FBXL7: variants seen among roughly 807,000 people sequenced by gnomAD.
FBXL7 encodes the protein F-box/LRR-repeat protein 7.
In FBXL7, 12 loss-of-function variants were observed where a neutral mutation model predicts 38.3. The ratio of observed to expected loss-of-function variants is 0.31; its 90% CI spans 0.20 to 0.51. FBXL7 has a LOEUF of 0.51. Ranked by LOEUF, FBXL7 falls within the 20% of genes least tolerant of loss-of-function variation. The probability of loss-of-function intolerance (pLI) is 0.98; values close to 1 mark genes in which losing one functional copy is unlikely to be tolerated. For synonymous variants in FBXL7, 297 were observed against 300.9 expected, an observed-to-expected ratio of 0.99 and a Z score of 0.13; for missense variants, 567 against 676.4, an observed-to-expected ratio of 0.84 and a Z score of 1.79.
chr5:15,852,860 C>G (rs1336336707), intron 2 of FBXL7, among the ~76,000 whole-genome samples: 1 of 152,162 alleles, frequency 6.6e-6, no homozygotes, highest in Non-Finnish European at 1.5e-5. Context: ...TTACTAGAGG[C>G]AAAGCACTCT....
At chr5:15,647,142 CT>C (rs1446405233) in intron 2 of FBXL7, among the ~76,000 whole-genome samples, 1 of 152,146 alleles carries the variant, frequency 6.6e-6, no homozygotes, top group African/African-American at 2.4e-5. Flanking sequence ...TCTGTGTAAC[CT>C]TATAATGACA....
intron 1 of FBXL7, among the ~76,000 whole-genome samples, chr5:15,553,107 A>G (rs868335105): frequency 6.6e-6 from 1 of 151,340 alleles, no homozygotes; most frequent in Non-Finnish European, 1.5e-5. Context: ...AAAAAACCCA[A>G]CCAAACAAAA....
At chr5:15,816,369 C>G (rs571214571) in intron 2 of FBXL7, among the ~76,000 whole-genome samples, 1 of 151,988 alleles carries the variant, frequency 6.6e-6, no homozygotes, top group Non-Finnish European at 1.5e-5. Context: ...AGCCATTATT[C>G]GAAGAGAAGT....
Position 15,928,868 on chromosome 5 carries a change from G to A in FBXL7, c.739+367G>A, listed in dbSNP as rs1025435301. On this transcript the variant is annotated intron_variant, in intron 3 of 3. Transcript: ENST00000504595. The surrounding 1 kb of genome is among the most constrained non-coding windows in gnomAD (Gnocchi z 4.0). ...CCACTTCTTACGGGAGTTCTTAGGGGAATTCTGGCACATTTTGCCTGGGAG... is the reference window on the plus strand; with the variant it reads ...CCACTTCTTACGGGAGTTCTTAGGGAAATTCTGGCACATTTTGCCTGGGAG... 4.6e-5 allele frequency among the ~76,000 whole-genome samples: 7 copies of A among 152,128 alleles called. No individual in the cohort carries two copies. The highest frequency in any genetic ancestry group is 1.7e-4 in the African/African-American group (7 of 41,418).
chr5:15,607,115 C>G (rs1369071994), intron 1 of FBXL7: 1 of 152,130 alleles, frequency 6.6e-6, no homozygotes, highest in Non-Finnish European at 1.5e-5. Flanking sequence ...TATGACCCAC[C>G]ATTCCCTTGA....
At chr5:15,608,168 A>C (rs1740093129) in intron 1 of FBXL7, among the ~76,000 whole-genome samples, 1 of 152,228 alleles carries the variant, frequency 6.6e-6, no homozygotes, top group South Asian at 2.1e-4. Flanking sequence ...TTTGTGATAT[A>C]AATTGAAATA....
chr5:15,731,549 A>G (rs1735584813), intron 2 of FBXL7, among the ~76,000 whole-genome samples: 1 of 152,152 alleles, frequency 6.6e-6, no homozygotes, highest in Non-Finnish European at 1.5e-5. Context: ...GCCAAACCAT[A>G]TCAAGGGGAA....
chr5:15,509,580 TG>T, intron 1 of FBXL7, among the ~76,000 whole-genome samples: 1 of 152,334 alleles, frequency 6.6e-6, no homozygotes, highest in South Asian at 2.1e-4. Context: ...AAGATGTGCC[TG>T]TTTTCTAAAA....
At chr5:15,701,806 A>G (rs976465385) in intron 2 of FBXL7, among the ~76,000 whole-genome samples, 1 of 152,190 alleles carries the variant, frequency 6.6e-6, no homozygotes, top group Non-Finnish European at 1.5e-5. Context: ...ATCTTCATAA[A>G]TCTTCACTAA....
At chr5:15,683,678 G>C (rs1443785728) in intron 2 of FBXL7, among the ~76,000 whole-genome samples, 2 of 152,118 alleles carry the variant, frequency 1.3e-5, no homozygotes, top group Non-Finnish European at 2.9e-5. Context: ...TCTACTCCTG[G>C]GGGAGGCCCG....
chr5:15,778,465 T>C (rs1736914169), intron 2 of FBXL7, among the ~76,000 whole-genome samples: 1 of 152,110 alleles, frequency 6.6e-6, no homozygotes, highest in Non-Finnish European at 1.5e-5. Context: ...AAACAAATAC[T>C]GTTGCCTAGG....
chr5:15,584,920 G>T (rs191431854), intron 1 of FBXL7, among the ~76,000 whole-genome samples: 57 of 152,322 alleles, frequency 3.7e-4, no homozygotes, highest in African/African-American at 1.3e-3. Flanking sequence ...GCAGGAGAGA[G>T]CAGGGGAAAC....
intron 2 of FBXL7, among the ~76,000 whole-genome samples, chr5:15,660,345 C>T (rs1742019083): frequency 6.6e-6 from 1 of 152,208 alleles, no homozygotes; most frequent in African/African-American, 2.4e-5. Flanking sequence ...AAAAGGCCCC[C>T]ACTCTAGCTT....
chr5:15,755,423 T>C (rs148826571), intron 2 of FBXL7, among the ~76,000 whole-genome samples: 1 of 152,290 alleles, frequency 6.6e-6, no homozygotes, highest in East Asian at 1.9e-4. Flanking sequence ...TATATGTGTG[T>C]GATTTTCTCT....
At chr5:15,816,216 C>T (rs1738009386) in intron 2 of FBXL7, among the ~76,000 whole-genome samples, 2 of 151,598 alleles carry the variant, frequency 1.3e-5, no homozygotes. Context: ...CCTAAGTGCC[C>T]ATCAGCCCAT....
At chr5:15,705,061 G>A (rs1057421441) in intron 2 of FBXL7, among the ~76,000 whole-genome samples, 1 of 152,078 alleles carries the variant, frequency 6.6e-6, no homozygotes, top group African/African-American at 2.4e-5. Context: ...CTTCAGAGAT[G>A]CCCTGTCTTC....
At chr5:15,561,033 G>A (rs940238141) in intron 1 of FBXL7, among the ~76,000 whole-genome samples, 1 of 152,076 alleles carries the variant, frequency 6.6e-6, no homozygotes, top group African/African-American at 2.4e-5. Context: ...TCCGTTTTTT[G>A]TGGAAAGAAT....
At chr5:15,865,578 C>T (rs1178285333) in intron 2 of FBXL7, among the ~76,000 whole-genome samples, 1 of 152,106 alleles carries the variant, frequency 6.6e-6, no homozygotes, top group East Asian at 1.9e-4. Flanking sequence ...TCACTCTTAG[C>T]ACCCTCTCTC....
intron 1 of FBXL7, among the ~76,000 whole-genome samples, chr5:15,542,386 A>G (rs1295247873): frequency 6.6e-6 from 1 of 152,234 alleles, no homozygotes; most frequent in Non-Finnish European, 1.5e-5. Context: ...GAATGGAGGT[A>G]CAGAATGCAT....
Sources: allele counts gnomAD v4.1 joint callset (sites outside exome capture counted in the v4.1 genomes callset), GRCh38; gene constraint gnomAD v4.1.1; non-coding constraint Gnocchi (gnomAD v3.1); transcripts MANE v1.5; gene names NCBI Gene and HGNC (gene_info 2026-07-23, HGNC 2026-07-21).